The following NCOR2 variants were observed in gnomAD, a reference collection of about 807,000 sequenced individuals.
NCOR2 encodes the protein CTG repeat protein 26.
Under a neutral mutation model 262.9 loss-of-function variants are expected in NCOR2, and 81 were observed. That is an observed-to-expected ratio of 0.31 (90% confidence interval 0.26 to 0.37). NCOR2 has a LOEUF of 0.37. Among genes scored for constraint, NCOR2 ranks in the 10% least tolerant of loss-of-function variants. The pLI is 1.00. For synonymous variants in NCOR2, 1,659 were observed against 1,559.3 expected (o/e 1.06, Z -1.51); for missense variants, 3,385 against 3,621.4 (o/e 0.93, Z 1.68).
rs1024052554 is a variant in NCOR2 at position 124,349,481 on chromosome 12, G to A, written c.3844+1106C>T. Among the ~76,000 whole-genome samples the A allele has an allele frequency of 4.6e-5, 7 of 152,132 alleles. No individual in the cohort carries two copies. In the South Asian group the frequency reaches 1.0e-3, roughly 23 times the overall value. Reference sequence around the variant, plus strand: ...AATTAATCGCCGATGTTTAAACATCGGGAGATTTCAGATAAAAACGGAGAT... The same window carrying A: ...AATTAATCGCCGATGTTTAAACATCAGGAGATTTCAGATAAAAACGGAGAT... On this transcript the variant is annotated intron_variant, in intron 28 of 46. Transcript: ENST00000405201.
chr12:124,466,391 G>A (rs113159998), intron 4 of NCOR2, 105 bp from the exon 7 acceptor site: 25,321 of 977,206 alleles, frequency 0.026, 523 homozygotes, highest in Admixed American at 0.04. Context: ...GGCCACGGCC[G>A]CGCACAGGAA....
intron 13 of NCOR2, among the ~76,000 whole-genome samples, chr12:124,415,690 C>T (rs1208672033): frequency 3.3e-5 from 5 of 152,222 alleles, no homozygotes; most frequent in East Asian, 1.9e-4. Flanking sequence ...CTGCCTGGAA[C>T]GGCAGCTTCA....
chr12:124,448,839 A>G (rs1016881333), intron 7 of NCOR2, among the ~76,000 whole-genome samples: 5 of 152,180 alleles, frequency 3.3e-5, no homozygotes, highest in African/African-American at 1.2e-4. Flanking sequence ...ACGCTTGAAC[A>G]ATCGGACCGG....
At chr12:124,424,230 A>G (rs764138949) in intron 11 of NCOR2, among the ~76,000 whole-genome samples, 1 of 152,206 alleles carries the variant, frequency 6.6e-6, no homozygotes, top group African/African-American at 2.4e-5. Flanking sequence ...GAAAAAATAC[A>G]TACACTAAAA....
chr12:124,532,377 C>T (rs1459094794), intron 1 of NCOR2, among the ~76,000 whole-genome samples: 3 of 152,204 alleles, frequency 2.0e-5, no homozygotes, highest in African/African-American at 7.2e-5. Flanking sequence ...CAGGGGAGTG[C>T]AGAGCATCTG....
intron 16 of NCOR2, among the ~76,000 whole-genome samples, chr12:124,386,197 C>T (rs1204151241): frequency 2.6e-5 from 4 of 152,108 alleles, no homozygotes; most frequent in East Asian, 3.9e-4. Flanking sequence ...GAGGCCACTG[C>T]GCGGGAGTCT....
intron 16 of NCOR2, among the ~76,000 whole-genome samples, chr12:124,395,867 T>C (rs921776288): frequency 6.6e-6 from 1 of 152,208 alleles, no homozygotes; most frequent in East Asian, 1.9e-4. Flanking sequence ...TCCCAGGGAC[T>C]CACCTGTGAT....
At chr12:124,547,971 A>T (rs1437918057) in intron 1 of NCOR2, among the ~76,000 whole-genome samples, 3 of 152,256 alleles carry the variant, frequency 2.0e-5, no homozygotes, top group Non-Finnish European at 2.9e-5. Context: ...AAATACACAT[A>T]CAGAATGAGA....
chr12:124,477,990 C>G (rs1188086617), intron 3 of NCOR2, among the ~76,000 whole-genome samples: 1 of 152,202 alleles, frequency 6.6e-6, no homozygotes, highest in Non-Finnish European at 1.5e-5. Context: ...TCACGCACTC[C>G]CAATACACCC....
chr12:124,485,473 G>C (rs2047722762), intron 2 of NCOR2, among the ~76,000 whole-genome samples: 1 of 152,248 alleles, frequency 6.6e-6, no homozygotes, highest in Non-Finnish European at 1.5e-5. Context: ...CTCCCCTTGA[G>C]CCTTCTGAGG....
At chr12:124,462,051 G>A (rs1456926655) in intron 5 of NCOR2, among the ~76,000 whole-genome samples, 1 of 152,086 alleles carries the variant, frequency 6.6e-6, no homozygotes, top group Admixed American at 6.5e-5. Context: ...CCACATGCTC[G>A]TCCCACACAA....
intron 30 of NCOR2, 127 bp downstream of exon 32, chr12:124,347,698 G>T (rs2037055714): frequency 2.3e-6 from 2 of 868,656 alleles, no homozygotes; most frequent in Non-Finnish European, 3.7e-6. Flanking sequence ...ATGTACATGT[G>T]TGCTGCAGGC....
At chr12:124,518,559 C>G (rs1333548315) in intron 1 of NCOR2, among the ~76,000 whole-genome samples, 1 of 152,272 alleles carries the variant, frequency 6.6e-6, no homozygotes, top group Admixed American at 6.5e-5. Context: ...GTTCTCGCCT[C>G]TGCCACTCTG....
At chr12:124,337,363 G>A in intron 37 of NCOR2, 183 bp from the exon 40 acceptor site, 7 of 764,652 alleles carry the variant, frequency 9.2e-6, no homozygotes, top group African/African-American at 1.7e-5. Context: ...CCACTCATTC[G>A]TTCATTCATT....
intron 27 of NCOR2, among the ~76,000 whole-genome samples, chr12:124,352,292 T>A (rs1308873339): frequency 6.6e-6 from 1 of 152,086 alleles, no homozygotes; most frequent in Non-Finnish European, 1.5e-5. Flanking sequence ...CAGAACTGGG[T>A]TTGTACTGCA....
chr12:124,355,735 G>A lies in NCOR2; in HGVS notation c.3242-164C>T, dbSNP rs1027299360. Among the ~76,000 whole-genome samples, 17 of 152,198 alleles carry A rather than the reference G, an allele frequency of 1.1e-4. 1 individual carries two copies. The highest frequency in any genetic ancestry group is 4.1e-4 in the African/African-American group (17 of 41,520). ...CTGGCTCTGTCCTCATTAGTGACCC[G>A]AGTCCTAGGTGCAGACACCACTATC... On this transcript the variant is annotated intron_variant, in intron 23 of 46. Coordinates refer to ENST00000405201, the Ensembl canonical transcript of NCOR2.
In NCOR2 at chr12:124,479,460, CACACACACAA is replaced by C. The variant is rs772115804; in HGVS notation, c.411+4126_411+4135del. Among the ~76,000 whole-genome samples the C allele has an allele frequency of 6.1e-3, 887 of 145,148 alleles. 2 individuals are homozygous for C. Among genetic ancestry groups the C allele is most frequent in the African/African-American group, 9.5e-3 (377 of 39,644 alleles). ...ACATGTGTGCACACACGCATACACA[CACACACACAA>C]ACACGCAGGGACACACACAGGCACA... is the stretch of plus-strand genomic sequence containing the variant. On this transcript the variant is annotated intron_variant, in intron 3 of 46. Transcript: ENST00000405201.
chr12:124,410,425 C>A (rs1436913145), intron 13 of NCOR2, among the ~76,000 whole-genome samples: 1 of 151,824 alleles, frequency 6.6e-6, no homozygotes, highest in Non-Finnish European at 1.5e-5. Flanking sequence ...ACTGTCTCCC[C>A]ACCTAGCACA....
chr12:124,547,344 T>C (rs2051574269), intron 1 of NCOR2, among the ~76,000 whole-genome samples: 1 of 152,204 alleles, frequency 6.6e-6, no homozygotes, highest in Non-Finnish European at 1.5e-5. Flanking sequence ...GTGCCTAATT[T>C]GTAAAGAAAA....
Sources: gnomAD v4.1 joint callset for allele counts (sites outside exome capture counted in the v4.1 genomes callset) on GRCh38, gnomAD v4.1.1 for gene constraint, MANE v1.5 for transcripts, NCBI Gene and HGNC (gene_info 2026-07-23, HGNC 2026-07-21) for gene names.